Variants in COLEC12 observed in about 807,000 individuals in gnomAD.
The protein encoded by COLEC12 is collectin-12.
In COLEC12, 33 loss-of-function variants were observed where a neutral mutation model predicts 71.1. The observed-to-expected ratio is 0.46, with a 90% CI of 0.35 to 0.62. The LOEUF (loss-of-function observed/expected upper bound fraction) is 0.62, where lower values mean the gene tolerates loss of function less well. COLEC12 is among the 20% of genes least tolerant of loss of function. The probability of loss-of-function intolerance (pLI) is 0.00; values close to 1 mark genes in which losing one functional copy is unlikely to be tolerated. For missense variants in COLEC12, 765 were observed against 916.1 expected (o/e 0.84, Z 2.13); for synonymous variants, 350 against 353.0 (o/e 0.99, Z 0.10).
At chr18:409,858 A>T (rs1452487817) in intron 2 of COLEC12, among the ~76,000 whole-genome samples, 2 of 152,202 alleles carry the variant, frequency 1.3e-5, no homozygotes, top group African/African-American at 4.8e-5. Flanking sequence ...TTTCCTAGGC[A>T]CAGATAAGCA....
rs1047502786 is a variant in COLEC12 at position 327,192 on chromosome 18, G to C, written c.2063+4476C>G. The stretch of plus-strand genomic sequence containing the variant: ...AGAAGAATAAGGACAATGTGTGTGT[G>C]TGTGAATGTAAGATGGCCAGCCATC... On this transcript the variant is annotated intron_variant, in intron 8 of 9. Transcript: ENST00000400256. This position sits in a 1 kb window ranked among gnomAD's most constrained non-coding sequence, Gnocchi z 4.0. Among the ~76,000 whole-genome samples, 1 of 152,200 alleles carries C rather than the reference G, an allele frequency of 6.6e-6. No individual in the cohort carries two copies. The highest frequency in any genetic ancestry group is 1.5e-5 in the Non-Finnish European group (1 of 68,042).
At chr18:454,632 A>G (rs113810856) in intron 2 of COLEC12, among the ~76,000 whole-genome samples, 13,394 of 152,286 alleles carry the variant, frequency 0.088, 650 homozygotes, top group African/African-American at 0.11. Flanking sequence ...CAGTGAGCCG[A>G]GATCACGTCA....
chr18:442,002 T>TCTACAC (rs1221111408), intron 2 of COLEC12, among the ~76,000 whole-genome samples: 1 of 120,744 alleles, frequency 8.3e-6, no homozygotes, highest in Non-Finnish European at 1.6e-5. Context: ...TCTCTCTCTC[T>TCTACAC]ACACACACAC....
chr18:454,771 C>A (rs779753628), intron 2 of COLEC12, among the ~76,000 whole-genome samples: 34 of 152,182 alleles, frequency 2.2e-4, no homozygotes, highest in Non-Finnish European at 4.0e-4. Context: ...ATTTGAATGA[C>A]GGTTTTCGAT....
intron 2 of COLEC12, among the ~76,000 whole-genome samples, chr18:389,567 C>T (rs982585628): frequency 3.3e-5 from 5 of 151,898 alleles, no homozygotes; most frequent in Non-Finnish European, 7.4e-5. Context: ...GCATGAGCCA[C>T]CGAGCCCAGC....
intron 2 of COLEC12, among the ~76,000 whole-genome samples, chr18:374,587 T>C (rs1325432637): frequency 6.6e-6 from 1 of 152,122 alleles, no homozygotes; most frequent in Non-Finnish European, 1.5e-5. Flanking sequence ...CCATAGGAAG[T>C]ATGAGGATAT....
At chr18:369,393 T>TTTTTTA (rs1170456859) in intron 2 of COLEC12, among the ~76,000 whole-genome samples, 35 of 142,972 alleles carry the variant, frequency 2.4e-4, no homozygotes, top group East Asian at 4.0e-4. Context: ...ATCTTTTTTT[T>TTTTTTA]TTTATTTTTT....
chr18:389,075 T>C (rs1046661493), intron 2 of COLEC12, among the ~76,000 whole-genome samples: 3 of 152,176 alleles, frequency 2.0e-5, no homozygotes, highest in Admixed American at 1.3e-4. Flanking sequence ...AGCTTGTTGA[T>C]ACAATTGGAT....
intron 8 of COLEC12, among the ~76,000 whole-genome samples, chr18:324,813 A>G (rs1432569049): frequency 6.6e-6 from 1 of 152,174 alleles, no homozygotes; most frequent in Non-Finnish European, 1.5e-5. Context: ...TGGGTGACAA[A>G]GCGAGTCTCC....
At chr18:409,426 C>G (rs113059131) in intron 2 of COLEC12, among the ~76,000 whole-genome samples, 3 of 151,990 alleles carry the variant, frequency 2.0e-5, no homozygotes, top group Non-Finnish European at 2.9e-5. Context: ...CCCAGCTACT[C>G]GGGAGGCTGA....
At chr18:460,884 G>A (rs955823923) in intron 2 of COLEC12, among the ~76,000 whole-genome samples, 3 of 152,190 alleles carry the variant, frequency 2.0e-5, no homozygotes, top group African/African-American at 4.8e-5. Context: ...GGTCAGAGAA[G>A]CGCCGTATCC....
At chr18:372,549 C>T (rs1439456486) in intron 2 of COLEC12, among the ~76,000 whole-genome samples, 1 of 152,142 alleles carries the variant, frequency 6.6e-6, no homozygotes, top group Non-Finnish European at 1.5e-5. Context: ...TCCTCAGTAG[C>T]TGGGACTACA....
At chr18:437,641 A>G (rs532651997) in intron 2 of COLEC12, among the ~76,000 whole-genome samples, 40 of 152,280 alleles carry the variant, frequency 2.6e-4, no homozygotes, top group African/African-American at 9.4e-4. Flanking sequence ...TCCAGGGCTA[A>G]AAAGTTTTAT....
intron 2 of COLEC12, among the ~76,000 whole-genome samples, chr18:366,556 C>T (rs1878752808): frequency 6.6e-6 from 1 of 152,210 alleles, no homozygotes; most frequent in Admixed American, 6.5e-5. Context: ...ATAGCTACCT[C>T]CTTGTACAGG....
At chr18:446,021 T>C (rs1250079541) in intron 2 of COLEC12, among the ~76,000 whole-genome samples, 2 of 152,184 alleles carry the variant, frequency 1.3e-5, no homozygotes, top group East Asian at 3.8e-4. Flanking sequence ...CCTGGCTTCT[T>C]TCACTCAGCA....
At chr18:468,865 A>G (rs2143749328) in intron 2 of COLEC12, among the ~76,000 whole-genome samples, 1 of 152,356 alleles carries the variant, frequency 6.6e-6, no homozygotes, top group Non-Finnish European at 1.5e-5. Flanking sequence ...TCGGAGGTAC[A>G]TTTTAATCTA....
intron 2 of COLEC12, among the ~76,000 whole-genome samples, chr18:389,317 G>A (rs965759624): frequency 6.8e-6 from 1 of 148,074 alleles, no homozygotes; most frequent in African/African-American, 2.5e-5. Flanking sequence ...ATAGTGGCAC[G>A]ATCTAGGTTC....
At chr18:425,459 G>A (rs1400936423) in intron 2 of COLEC12, among the ~76,000 whole-genome samples, 1 of 152,126 alleles carries the variant, frequency 6.6e-6, no homozygotes, top group Non-Finnish European at 1.5e-5. Flanking sequence ...AGACCAGGAG[G>A]GGAGTGTGCT....
At chr18:377,461 A>AG (rs1274892803) in intron 2 of COLEC12, among the ~76,000 whole-genome samples, 2 of 152,196 alleles carry the variant, frequency 1.3e-5, no homozygotes, top group Non-Finnish European at 2.9e-5. Context: ...TGCCAGTTAC[A>AG]GGCGTATCCC....
Sources: allele counts gnomAD v4.1 joint callset (sites outside exome capture counted in the v4.1 genomes callset), GRCh38; gene constraint gnomAD v4.1.1; non-coding constraint Gnocchi (gnomAD v3.1); transcripts MANE v1.5; gene names NCBI Gene and HGNC (gene_info 2026-07-23, HGNC 2026-07-21).